The following NELFB variants were observed in gnomAD, a reference collection of about 807,000 sequenced individuals.
NELFB encodes the protein negative elongation factor B.
A neutral mutation model predicts 60.2 loss-of-function variants in NELFB; 34 were observed. That is an observed-to-expected ratio of 0.56 (90% CI 0.43 to 0.75). The LOEUF (loss-of-function observed/expected upper bound fraction) is 0.75. NELFB is among the 30% of genes least tolerant of loss of function. NELFB has a pLI of 0.00. For missense variants in NELFB, 770 were observed against 831.6 expected (o/e 0.93, Z 0.91); for synonymous variants, 459 against 382.1 (o/e 1.20, Z -2.35).
In NELFB at chr9:137,273,322, A is replaced by T. The variant is rs1299368204; in HGVS notation, c.*394A>T. On this transcript the variant is annotated 3_prime_UTR_variant, in exon 13 of 13. Coordinates refer to ENST00000343053, the MANE Select transcript of NELFB (RefSeq NM_015456.5). ...TACTGCCTTGGGGTTGTGGAGATGG[A>T]CCCGTGACCTCGTGGAGGCCGTGTG... is the stretch of plus-strand genomic sequence containing the variant. 5.7e-6 allele frequency: 1 copy of T among 176,108 alleles called. No individual in the cohort carries two copies. Among genetic ancestry groups the T allele is most frequent in the South Asian group, 1.5e-4 (1 of 6,474 alleles). The allele number at this position is 176,108 out of a possible 1,614,324, so 10.9% of individuals were successfully genotyped here. A position where few individuals can be genotyped will look rare whatever the true frequency, so the allele number is the denominator to read the frequency against.
intron 8 of NELFB, among the ~76,000 whole-genome samples, chr9:137,266,630 G>A (rs1830520445): frequency 6.6e-6 from 1 of 152,028 alleles, no homozygotes; most frequent in Non-Finnish European, 1.5e-5. Flanking sequence ...TGGTTCTGGG[G>A]TATCTCCATG....
At chr9:137,255,635 G>T (rs778860673) in intron 1 of NELFB, 24 bp downstream of exon 1, 1 of 1,537,606 alleles carries the variant, frequency 6.5e-7, no homozygotes, top group South Asian at 1.2e-5. Flanking sequence ...CGGGGCGGGG[G>T]GAGCCCAGTT....
At chr9:137,268,651 G>A (rs1771642553) in intron 10 of NELFB, among the ~76,000 whole-genome samples, 1 of 152,188 alleles carries the variant, frequency 6.6e-6, no homozygotes, top group South Asian at 2.1e-4. Flanking sequence ...GAGGTCAAGG[G>A]GCCTGCATCT....
chr9:137,272,026 C>T, intron 10 of NELFB, 55 bp from the exon 11 acceptor site: 2 of 1,606,004 alleles, frequency 1.2e-6, no homozygotes, highest in Non-Finnish European at 8.5e-7. Flanking sequence ...GACAAGGGTG[C>T]CCTCTGGGGT....
intron 1 of NELFB, 93 bp downstream of exon 1, chr9:137,255,704 G>T: frequency 6.9e-7 from 1 of 1,447,392 alleles, no homozygotes; most frequent in Non-Finnish European, 9.3e-7. Flanking sequence ...AAGTTTTCCG[G>T]CTTTCTGCTG....
intron 8 of NELFB, 36 bp from the exon 9 acceptor site, chr9:137,266,907 CG>C: frequency 6.2e-7 from 1 of 1,607,290 alleles, no homozygotes; most frequent in Non-Finnish European, 8.5e-7. Flanking sequence ...GGGCAGGGCC[CG>C]GGCCCGCGCC....
intron 11 of NELFB, 88 bp from the exon 12 acceptor site, chr9:137,272,419 C>A: frequency 6.8e-7 from 1 of 1,463,916 alleles, no homozygotes; most frequent in Non-Finnish European, 9.2e-7. Context: ...TGTCCTGTCT[C>A]CAGGGGCCTT....
Position 137,271,167 on chromosome 9 carries a change from C to T in NELFB, c.1490-914C>T, listed in dbSNP as rs142249935. Among the ~76,000 whole-genome samples, 14 of 152,392 alleles carry T rather than the reference C, an allele frequency of 9.2e-5. No homozygotes were observed. In the East Asian group the frequency reaches 2.5e-3, roughly 27 times the overall value. On this transcript the variant is annotated intron_variant, in intron 10 of 12. Transcript: ENST00000343053. ...CCAGTGGGGCCTTGCTGCTGGATCC[C>T]CTGGTCGGGACTGTGTGCCTGCCAC...
chr9:137,265,441 T>A (rs542756059), intron 6 of NELFB, among the ~76,000 whole-genome samples: 1 of 124,228 alleles, frequency 8.0e-6, no homozygotes, highest in Non-Finnish European at 1.6e-5. Flanking sequence ...CAGGCTGGAG[T>A]GCAGTGACGC....
chr9:137,256,903 T>C lies in NELFB; in HGVS notation c.590T>C (p.Ile197Thr), dbSNP rs1837562376. Reference sequence around the variant, plus strand: ...TGCGCCGTGGAGGTGAAGCGGCAGATCTGGCAAGACAACCAGGCCCTCTTC... The same window carrying C: ...TGCGCCGTGGAGGTGAAGCGGCAGACCTGGCAAGACAACCAGGCCCTCTTC... The change falls in exon 4 of 13, where the codon ATC becomes ACC. Residue 197 changes from isoleucine to threonine, a missense_variant. Physicochemically the swap from Ile to Thr is moderately conservative, Grantham distance 89. Transcript: ENST00000343053. 1.1e-5 allele frequency: 18 copies of C among 1,614,202 alleles called. No homozygotes were observed. The highest frequency in any genetic ancestry group is 1.5e-5 in the Non-Finnish European group (18 of 1,180,042).
intron 4 of NELFB, among the ~76,000 whole-genome samples, chr9:137,261,734 G>A (rs1051562636): frequency 3.9e-5 from 6 of 152,050 alleles, no homozygotes; most frequent in South Asian, 2.1e-4. Context: ...CCCCGTGTGC[G>A]GAGATGAGAG....
At chr9:137,272,485 A>G in intron 11 of NELFB, 22 bp from the exon 12 acceptor site, 2 of 1,602,120 alleles carry the variant, frequency 1.2e-6, no homozygotes, top group Non-Finnish European at 1.7e-6. Context: ...CTCCTGCCCC[A>G]GCCCTGCACG....
chr9:137,263,003 C>A, intron 4 of NELFB, 34 bp from the exon 5 acceptor site: 1 of 1,598,840 alleles, frequency 6.3e-7, no homozygotes, highest in Non-Finnish European at 8.6e-7. Context: ...GAGCCCAGGA[C>A]GGTCTGGGGG....
chr9:137,267,839 G>A (rs895470284), intron 10 of NELFB, among the ~76,000 whole-genome samples: 7 of 152,172 alleles, frequency 4.6e-5, no homozygotes, highest in Non-Finnish European at 7.3e-5. Context: ...CTAGGAAAGG[G>A]AGAGGGAGTT....
At chr9:137,259,117 G>A (rs959572971) in intron 4 of NELFB, among the ~76,000 whole-genome samples, 4 of 152,174 alleles carry the variant, frequency 2.6e-5, no homozygotes, top group African/African-American at 4.8e-5. Context: ...CTTAGGCCTC[G>A]GATATTGAGG....
intron 6 of NELFB, among the ~76,000 whole-genome samples, chr9:137,265,546 G>A (rs955681314): frequency 6.6e-6 from 1 of 151,618 alleles, no homozygotes; most frequent in African/African-American, 2.4e-5. Context: ...CCACCACCAC[G>A]CCCGGCTAAT....
chr9:137,263,284 C>A (rs1477348853), intron 5 of NELFB, 62 bp downstream of exon 5: 1 of 1,488,224 alleles, frequency 6.7e-7, no homozygotes, highest in Non-Finnish European at 9.1e-7. Context: ...CTCCCTCCCT[C>A]CTTCCCTCCC....
intron 5 of NELFB, 60 bp from the exon 6 acceptor site, chr9:137,264,185 C>A: frequency 7.4e-7 from 1 of 1,342,386 alleles, no homozygotes; most frequent in Non-Finnish European, 1.0e-6. Flanking sequence ...TGTTTGGGGC[C>A]TGGGTCTCTG....
intron 4 of NELFB, among the ~76,000 whole-genome samples, chr9:137,262,464 C>T (rs1239555171): frequency 6.6e-6 from 1 of 152,176 alleles, no homozygotes; most frequent in East Asian, 1.9e-4. Context: ...CCCTCAGCTC[C>T]TATCTCTGTA....
Sources: allele counts gnomAD v4.1 joint callset (sites outside exome capture counted in the v4.1 genomes callset), GRCh38; gene constraint gnomAD v4.1.1; transcripts MANE v1.5; gene names NCBI Gene and HGNC (gene_info 2026-07-23, HGNC 2026-07-21).